The following SAMMSON variants were observed in gnomAD, a reference collection of about 807,000 sequenced individuals.
SAMMSON encodes the protein long intergenic non-protein coding RNA 1212.
At chr3:70,300,921 T>C (rs193028679) in intron 7 of SAMMSON, among the ~76,000 whole-genome samples, 1 of 152,120 alleles carries the variant, frequency 6.6e-6, no homozygotes, top group Non-Finnish European at 1.5e-5. Context: ...TAAAAAAAAG[T>C]CAAGAAAGCC....
chr3:70,098,944 T>C (rs1384721452), intron 4 of SAMMSON, among the ~76,000 whole-genome samples: 1 of 152,192 alleles, frequency 6.6e-6, no homozygotes, highest in African/African-American at 2.4e-5. Context: ...TTTCAGACTT[T>C]ATATATATGA....
At chr3:70,043,418 A>G (rs537362277) in intron 3 of SAMMSON, among the ~76,000 whole-genome samples, 36 of 152,218 alleles carry the variant, frequency 2.4e-4, no homozygotes, top group African/African-American at 8.7e-4. Flanking sequence ...AGTTGGCCAG[A>G]AAGCTAAATT....
At chr3:70,339,896 A>G (rs1305605777) in intron 7 of SAMMSON, among the ~76,000 whole-genome samples, 1 of 152,190 alleles carries the variant, frequency 6.6e-6, no homozygotes, top group Non-Finnish European at 1.5e-5. Flanking sequence ...CAGCCATCCC[A>G]TTACTGGGTA....
intron 4 of SAMMSON, among the ~76,000 whole-genome samples, chr3:70,115,475 ATACT>A (rs2067406922): frequency 1.3e-5 from 2 of 152,320 alleles, no homozygotes; most frequent in African/African-American, 4.8e-5. Flanking sequence ...TGTCTTAGAC[ATACT>A]TACGTATCTA....
chr3:70,208,382 C>G (rs536170615), intron 4 of SAMMSON, among the ~76,000 whole-genome samples: 16 of 152,224 alleles, frequency 1.1e-4, no homozygotes, highest in African/African-American at 3.9e-4. Context: ...CTTTATTTCC[C>G]TTTCCAAGGT....
intron 3 of SAMMSON, chr3:70,024,924 G>T (rs1310789595): frequency 6.6e-6 from 1 of 152,196 alleles, no homozygotes. Context: ...TTAGTCAATT[G>T]TGAGAAGAGG....
chr3:70,385,728 T>A (rs541795990), intron 9 of SAMMSON, among the ~76,000 whole-genome samples: 119 of 152,206 alleles, frequency 7.8e-4, no homozygotes, highest in African/African-American at 2.7e-3. Flanking sequence ...ATCTGATTAG[T>A]GGCAATAACT....
intron 9 of SAMMSON, among the ~76,000 whole-genome samples, chr3:70,379,554 G>C (rs556642019): frequency 6.6e-6 from 1 of 152,284 alleles, no homozygotes; most frequent in South Asian, 2.1e-4. Context: ...TTGCTTATCA[G>C]AGGGTCCTCT....
Position 70,017,781 on chromosome 3 carries a change from G to T in SAMMSON, n.417+4109G>T, listed in dbSNP as rs536049890. ...CCATCAATACCTAATTTATTGATAG[G>T]TTTTAGCATGAAGCGTTGTTGAATT... On this transcript the variant is annotated intron_variant and non_coding_transcript_variant, in intron 3 of 9. Coordinates refer to ENST00000642114, the Ensembl canonical transcript of SAMMSON. 6.9e-4 allele frequency among the ~76,000 whole-genome samples: 105 copies of T among 152,168 alleles called. 1 individual carries two copies. The highest frequency in any genetic ancestry group is 3.1e-3 in the East Asian group (16 of 5,176).
At chr3:70,089,958 T>A (rs948076061) in intron 4 of SAMMSON, among the ~76,000 whole-genome samples, 7 of 152,072 alleles carry the variant, frequency 4.6e-5, no homozygotes, top group Non-Finnish European at 8.8e-5. Flanking sequence ...TTACTTTTCT[T>A]GAGTGATTTC....
chr3:70,298,737 G>A (rs1702316242), intron 7 of SAMMSON, among the ~76,000 whole-genome samples: 1 of 152,054 alleles, frequency 6.6e-6, no homozygotes, highest in East Asian at 1.9e-4. Flanking sequence ...GTTGTAATGA[G>A]TGCAGATGAG....
intron 4 of SAMMSON, among the ~76,000 whole-genome samples, chr3:70,127,970 T>C (rs1465851188): frequency 1.3e-5 from 2 of 152,186 alleles, no homozygotes; most frequent in Non-Finnish European, 2.9e-5. Context: ...TGATAGTTCA[T>C]ACTCTGGAGT....
chr3:70,042,474 T>C (rs747095503), intron 3 of SAMMSON, among the ~76,000 whole-genome samples: 24 of 152,082 alleles, frequency 1.6e-4, no homozygotes, highest in Non-Finnish European at 3.4e-4. Context: ...TTGTTGTTGT[T>C]GTTTTTACTT....
intron 4 of SAMMSON, among the ~76,000 whole-genome samples, chr3:70,105,237 A>T (rs2067362998): frequency 6.6e-6 from 1 of 152,172 alleles, no homozygotes; most frequent in Admixed American, 6.6e-5. Context: ...TGTTGGTTTT[A>T]TACTTTGCTA....
chr3:70,205,950 T>G (rs555912030), intron 4 of SAMMSON: 1 of 152,152 alleles, frequency 6.6e-6, no homozygotes, highest in East Asian at 1.9e-4. Flanking sequence ...TTTTGAACTT[T>G]GTTTGGCTGA....
At chr3:70,144,006 C>T (rs2067538295) in intron 4 of SAMMSON, among the ~76,000 whole-genome samples, 1 of 152,018 alleles carries the variant, frequency 6.6e-6, no homozygotes, top group Admixed American at 6.6e-5. Flanking sequence ...CTTTGGATTC[C>T]TATCAAAGTA....
chr3:70,163,426 A>G (rs930228275), intron 4 of SAMMSON, among the ~76,000 whole-genome samples: 1 of 151,258 alleles, frequency 6.6e-6, no homozygotes, highest in Non-Finnish European at 1.5e-5. Flanking sequence ...ATTTTAAACA[A>G]TCTAGTTTAG....
chr3:70,212,650 A>G (rs1337643854), intron 4 of SAMMSON, among the ~76,000 whole-genome samples: 1 of 152,144 alleles, frequency 6.6e-6, no homozygotes, highest in Non-Finnish European at 1.5e-5. Flanking sequence ...TCTTCAAGAT[A>G]TCTTATGCAT....
chr3:70,086,541 T>A (rs907687753), intron 4 of SAMMSON, among the ~76,000 whole-genome samples: 1 of 152,220 alleles, frequency 6.6e-6, no homozygotes, highest in African/African-American at 2.4e-5. Flanking sequence ...TTCACCATGC[T>A]GAGTTCTGTC....
Sources: allele counts gnomAD v4.1 joint callset (sites outside exome capture counted in the v4.1 genomes callset), GRCh38; gene constraint gnomAD v4.1.1; transcripts MANE v1.5; gene names NCBI Gene and HGNC (gene_info 2026-07-23, HGNC 2026-07-21).